Variants in MS4A15 observed in about 807,000 individuals in gnomAD.
The protein encoded by MS4A15 is membrane spanning 4-domains A15.
A neutral mutation model predicts 20.6 loss-of-function variants in MS4A15; 22 were observed. The ratio of observed to expected loss-of-function variants is 1.07; its 90% CI spans 0.76 to 1.52. The LOEUF (loss-of-function observed/expected upper bound fraction) is 1.52. Among genes scored for constraint, MS4A15 ranks in the 40% most tolerant of loss-of-function variants. The pLI is 0.00. For synonymous variants in MS4A15, 129 were observed against 129.3 expected (o/e 1.00, Z 0.02); for missense variants, 312 against 323.0 (o/e 0.97, Z 0.26).
At position 60,773,492 on chromosome 11, in the gene MS4A15, G is replaced by C. The variant is rs1854097637; in HGVS notation, c.498+8G>C. On this transcript the variant is annotated splice_region_variant and intron_variant, in intron 5 of 6. Transcript: ENST00000405633. ...TTTGGTGTTACCAACCGGGTGCGTT[G>C]TCAGATGGCCCTCGGGGTGGGAAAA... 4 of 1,612,924 alleles carry C rather than the reference G, an allele frequency of 2.5e-6. No homozygotes were observed. In the East Asian group the frequency reaches 8.9e-5, roughly 36 times the overall value.
intron 4 of MS4A15, chr11:60,771,641 G>A: frequency 6.9e-7 from 1 of 1,447,144 alleles, no homozygotes; most frequent in Non-Finnish European, 9.2e-7. Flanking sequence ...GAGTCCTGCT[G>A]GGCCTTGGTG....
At chr11:60,764,497 A>G (rs1853832196) in intron 2 of MS4A15, among the ~76,000 whole-genome samples, 1 of 152,274 alleles carries the variant, frequency 6.6e-6, no homozygotes, top group African/African-American at 2.4e-5. Context: ...AAGGATTTCA[A>G]TCTCAGATGG....
chr11:60,759,018 C>T (rs1853660186), intron 1 of MS4A15, among the ~76,000 whole-genome samples: 2 of 152,236 alleles, frequency 1.3e-5, no homozygotes, highest in Non-Finnish European at 2.9e-5. Context: ...TAGTATTACT[C>T]ATTTAGATCT....
intron 5 of MS4A15, 147 bp downstream of exon 5, chr11:60,773,631 G>A (rs1854101735): frequency 1.2e-6 from 1 of 814,934 alleles, no homozygotes; most frequent in Non-Finnish European, 2.0e-6. Context: ...TGGATCCTCT[G>A]AGCCTTCCCC....
chr11:60,758,132 T>C (rs1853638016), intron 1 of MS4A15, among the ~76,000 whole-genome samples: 1 of 152,170 alleles, frequency 6.6e-6, no homozygotes, highest in Non-Finnish European at 1.5e-5. Flanking sequence ...CTTGCAAAAT[T>C]TGGATAATAA....
chr11:60,763,422 A>G (rs1238610574), intron 1 of MS4A15, among the ~76,000 whole-genome samples: 1 of 151,782 alleles, frequency 6.6e-6, no homozygotes, highest in Non-Finnish European at 1.5e-5. Flanking sequence ...TTAAATAAAC[A>G]CTCCTCCAAA....
rs968700448 is a variant in MS4A15 at position 60,760,213 on chromosome 11, G to T, written c.-29+3155G>T. Reference sequence around the variant, plus strand: ...ATGCTCTGGTACACACACAGATGTGGTTTGCAGACTCTCCTGCTTTTTTGC... The same window carrying T: ...ATGCTCTGGTACACACACAGATGTGTTTTGCAGACTCTCCTGCTTTTTTGC... On this transcript the variant is annotated intron_variant, in intron 1 of 6. Transcript: ENST00000405633. Among the ~76,000 whole-genome samples, 3 of 152,226 alleles carry T rather than the reference G, an allele frequency of 2.0e-5. No homozygotes were observed. The East Asian group carries it at 5.8e-4, about 29-fold the overall frequency.
At chr11:60,771,168 G>A in intron 3 of MS4A15, 123 bp from the exon 4 acceptor site, 2 of 1,099,672 alleles carry the variant, frequency 1.8e-6, no homozygotes, top group African/African-American at 1.6e-5. Context: ...GTGCCTGCCT[G>A]GCAGAGAAAG....
intron 1 of MS4A15, among the ~76,000 whole-genome samples, chr11:60,760,105 C>T (rs967852910): frequency 9.2e-5 from 14 of 152,258 alleles, no homozygotes; most frequent in African/African-American, 2.9e-4. Flanking sequence ...AAGCCCCCTT[C>T]GATCATCACC....
At chr11:60,761,115 C>A (rs1316486227) in intron 1 of MS4A15, among the ~76,000 whole-genome samples, 2 of 152,154 alleles carry the variant, frequency 1.3e-5, no homozygotes, top group African/African-American at 4.8e-5. Context: ...GGGATGCTGA[C>A]CTGCCTTTGT....
chr11:60,775,814 A>T lies in MS4A15; in HGVS notation c.*99A>T. On this transcript the variant is annotated 3_prime_UTR_variant, in exon 7 of 7. Transcript: ENST00000405633. ...GTTCATCAGGGGCCAGCCCCATCCC[A>T]GCTGCCCTCCCTCACCACATCTACA... is the stretch of plus-strand genomic sequence containing the variant. 1.2e-6 allele frequency: 1 copy of T among 810,886 alleles called. No homozygotes were observed. Among genetic ancestry groups the T allele is most frequent in the African/African-American group, 2.5e-5 (1 of 39,840 alleles). The allele number at this position is 810,886 out of a possible 1,614,324, so 50.2% of individuals were successfully genotyped here. A position where few individuals can be genotyped will look rare whatever the true frequency, so the allele number is the denominator to read the frequency against.
intron 4 of MS4A15, among the ~76,000 whole-genome samples, chr11:60,771,938 C>T (rs1242159850): frequency 6.6e-6 from 1 of 152,070 alleles, no homozygotes; most frequent in African/African-American, 2.4e-5. Flanking sequence ...AACACGGCAG[C>T]GAAGGTCATG....
At chr11:60,775,063 C>G (rs1028218789) in intron 6 of MS4A15, among the ~76,000 whole-genome samples, 1 of 152,178 alleles carries the variant, frequency 6.6e-6, no homozygotes, top group Non-Finnish European at 1.5e-5. Flanking sequence ...TGCCTGTAAC[C>G]CCGGCACTTT....
At chr11:60,759,938 C>G (rs1853692675) in intron 1 of MS4A15, among the ~76,000 whole-genome samples, 1 of 152,136 alleles carries the variant, frequency 6.6e-6, no homozygotes, top group Admixed American at 6.5e-5. Context: ...ATCAATAAAC[C>G]CTGAGGGAAC....
At chr11:60,767,441 G>A in intron 2 of MS4A15, 92 bp from the exon 3 acceptor site, 2 of 1,368,314 alleles carry the variant, frequency 1.5e-6, no homozygotes, top group Non-Finnish European at 1.9e-6. Flanking sequence ...CAACAAGCGG[G>A]AGGAGGGCGG....
intron 2 of MS4A15, 105 bp from the exon 3 acceptor site, chr11:60,767,428 G>C (rs4939450): frequency 0.84 from 1,096,824 of 1,312,428 alleles, 463,930 homozygotes; most frequent in East Asian, 0.87. Context: ...CTTTCCCAGT[G>C]GCCAACAAGC....
chr11:60,762,696 C>T (rs1272088416), intron 1 of MS4A15, among the ~76,000 whole-genome samples: 1 of 152,148 alleles, frequency 6.6e-6, no homozygotes, highest in African/African-American at 2.4e-5. Context: ...AAAAGCTTAC[C>T]TCGCTTTAAA....
chr11:60,773,424 C>A lies in MS4A15; in HGVS notation c.438C>A (p.Ser146Arg). ...VRSSLGTNIL[S>R]VMAAFAGTAI... ...GCAGCCTGGGCACCAACATCCTCAG[C>A]GTCATGGCGGCCTTTGCTGGGACAG... is the stretch of plus-strand genomic sequence containing the variant. Residue 146 changes from serine (S) to arginine (R), a missense_variant, in exon 5 of 7, where the codon AGC (serine) becomes AGA (arginine). Physicochemically the swap from Ser to Arg is moderately radical, Grantham distance 110. Transcript: ENST00000405633. The A allele has an allele frequency of 6.2e-7, 1 of 1,613,636 alleles. No homozygotes were observed. Among genetic ancestry groups the A allele is most frequent in the Non-Finnish European group, 8.5e-7 (1 of 1,179,926 alleles).
chr11:60,759,778 G>A (rs377623858), intron 1 of MS4A15, among the ~76,000 whole-genome samples: 64 of 152,234 alleles, frequency 4.2e-4, no homozygotes, highest in Middle Eastern at 3.4e-3. Flanking sequence ...TCTAGCCTAC[G>A]TGCACATCTG....
Sources: allele counts gnomAD v4.1 joint callset (sites outside exome capture counted in the v4.1 genomes callset), GRCh38; gene constraint gnomAD v4.1.1; transcripts MANE v1.5; gene names NCBI Gene and HGNC (gene_info 2026-07-23, HGNC 2026-07-21).